VEPH1: variants seen among roughly 807,000 people sequenced by gnomAD.
VEPH1 encodes the protein ventricular zone-expressed PH domain-containing protein homolog 1.
VEPH1 carries 80 observed loss-of-function variants against 85.2 expected under a neutral mutation model. That is an observed-to-expected ratio of 0.94 (90% CI 0.78 to 1.13). The LOEUF (loss-of-function observed/expected upper bound fraction) is 1.13, where lower values mean the gene tolerates loss of function less well. Ranked by LOEUF, VEPH1 falls within the 50% of genes most tolerant of loss-of-function variation. The pLI is 0.00. For missense variants in VEPH1, 955 were observed against 980.5 expected (o/e 0.97, Z 0.35); for synonymous variants, 297 against 348.0 (o/e 0.85, Z 1.63).
At chr3:157,290,955 T>G (rs958026484) in intron 11 of VEPH1, among the ~76,000 whole-genome samples, 2 of 152,230 alleles carry the variant, frequency 1.3e-5, no homozygotes, top group Non-Finnish European at 2.9e-5. Flanking sequence ...TTTGTAAAAG[T>G]GCATAGTGGC....
At chr3:157,354,174 A>G (rs988431188) in intron 9 of VEPH1, among the ~76,000 whole-genome samples, 2 of 152,076 alleles carry the variant, frequency 1.3e-5, no homozygotes, top group Non-Finnish European at 2.9e-5. Context: ...AGTGGGGCAC[A>G]GGAGGTAAAT....
intron 5 of VEPH1, 126 bp downstream of exon 5, chr3:157,428,196 G>A (rs188937670): frequency 1.1e-4 from 101 of 957,774 alleles, no homozygotes; most frequent in East Asian, 9.2e-4. Context: ...GTAGATGAGC[G>A]CTTTCACTTA....
intron 1 of VEPH1, among the ~76,000 whole-genome samples, chr3:157,499,128 A>C (rs1739898567): frequency 1.3e-5 from 2 of 151,914 alleles, no homozygotes; most frequent in Non-Finnish European, 2.9e-5. Context: ...AAAATCTCAT[A>C]TTTTTTGTAT....
chr3:157,460,008 A>C, intron 4 of VEPH1, 173 bp downstream of exon 4: 2 of 1,546,482 alleles, frequency 1.3e-6, no homozygotes, highest in Non-Finnish European at 1.7e-6. Flanking sequence ...AGGGACACAG[A>C]CAGCCAGATT....
chr3:157,460,116 G>A (rs575890801), intron 4 of VEPH1, 65 bp downstream of exon 4: 1 of 1,613,604 alleles, frequency 6.2e-7, no homozygotes, highest in African/African-American at 1.3e-5. Context: ...AACCATAAAT[G>A]CTTGATGAAA....
At chr3:157,417,239 C>T (rs1177410095) in intron 5 of VEPH1, among the ~76,000 whole-genome samples, 2 of 152,110 alleles carry the variant, frequency 1.3e-5, no homozygotes, top group South Asian at 4.1e-4. Flanking sequence ...AGGGCATTTC[C>T]TTAGGCTGGT....
chr3:157,470,626 C>A, intron 2 of VEPH1, 97 bp from the exon 3 acceptor site: 1 of 1,188,172 alleles, frequency 8.4e-7, no homozygotes, highest in Non-Finnish European at 1.2e-6. Flanking sequence ...ATGGGTGCAC[C>A]AGGCTGTGTG....
rs1553786688 is a variant in VEPH1, at chr3:157,438,037, G to GCGCACGCACA, written c.530-9550_530-9549insTGTGCGTGCG. The GCGCACGCACA allele has an allele frequency of 7.8e-6, 4 of 516,104 alleles. No individual in the cohort carries two copies. The South Asian group carries it at 9.8e-5, about 13-fold the overall frequency. 32.0% of individuals were successfully genotyped at this position (516,104 alleles called of 1,614,324 possible). A position where few individuals can be genotyped will look rare whatever the true frequency, so the allele number is the denominator to read the frequency against. On this transcript the variant is annotated intron_variant, in intron 4 of 13. Coordinates refer to ENST00000362010, the MANE Select transcript of VEPH1 (RefSeq NM_001167912.2). The stretch of plus-strand genomic sequence containing the variant: ...TCATGGGAAGCGCGCGCGCGCGCGC[G>GCGCACGCACA]CACACACACACACACACACACACAC...
intron 7 of VEPH1, among the ~76,000 whole-genome samples, chr3:157,369,701 A>G (rs181904787): frequency 6.6e-6 from 1 of 152,344 alleles, no homozygotes; most frequent in Admixed American, 6.5e-5. Flanking sequence ...GTTTATCATA[A>G]ACATTCCCTT....
chr3:157,431,732 G>A (rs899474110), intron 4 of VEPH1, among the ~76,000 whole-genome samples: 9 of 151,586 alleles, frequency 5.9e-5, no homozygotes, highest in Non-Finnish European at 8.8e-5. Context: ...CCAACATTTG[G>A]TTGTGACAGA....
rs112162410 is a variant in VEPH1 at position 157,340,091 on chromosome 3, G to A, written c.1736-22890C>T. ...ACAGCTCCAGTCTACAGCTCCCAGC[G>A]TGAGCGACGCAGAAGACGGGTGATT... On this transcript the variant is annotated intron_variant, in intron 9 of 13. Transcript: ENST00000362010. Among the ~76,000 whole-genome samples, 9 of 152,314 alleles carry A rather than the reference G, an allele frequency of 5.9e-5. No individual in the cohort carries two copies. The Middle Eastern group carries it at 0.01, about 173-fold the overall frequency.
At chr3:157,361,899 T>G (rs888109904) in intron 9 of VEPH1, among the ~76,000 whole-genome samples, 1 of 152,254 alleles carries the variant, frequency 6.6e-6, no homozygotes, top group Non-Finnish European at 1.5e-5. Flanking sequence ...GAACAAAATA[T>G]CAAAATTGTA....
At position 157,363,377 on chromosome 3, in the gene VEPH1, C is replaced by T; in HGVS notation, c.1722G>A (p.Gln574=). 1 of 1,604,818 alleles carries T rather than the reference C, an allele frequency of 6.2e-7. No individual in the cohort carries two copies. The highest frequency in any genetic ancestry group is 8.5e-7 in the Non-Finnish European group (1 of 1,177,468). Residue 574 remains glutamine (Q), a synonymous_variant, in exon 9 of 14, where the codon CAG becomes CAA. Transcript: ENST00000362010. Reference sequence around the variant, plus strand: ...CACAACACTTACCTTCAATGGTACACTGATCAGGGACTGGAATCTTCTTTC... The same window carrying T: ...CACAACACTTACCTTCAATGGTACATTGATCAGGGACTGGAATCTTCTTTC... The part of the protein sequence containing the change: ...EIGKKIPVPD[Q]CTIEDTVRSC...
chr3:157,270,832 G>A (rs1271505586), intron 12 of VEPH1, among the ~76,000 whole-genome samples: 2 of 151,648 alleles, frequency 1.3e-5, no homozygotes, highest in African/African-American at 2.4e-5. Context: ...CTACTGCTCA[G>A]TGTAGGGTTT....
intron 13 of VEPH1, among the ~76,000 whole-genome samples, chr3:157,262,650 A>C (rs1017646252): frequency 6.6e-6 from 1 of 152,218 alleles, no homozygotes; most frequent in African/African-American, 2.4e-5. Context: ...TCCAATGGTT[A>C]CATTTAATGG....
intron 6 of VEPH1, among the ~76,000 whole-genome samples, chr3:157,384,531 GC>G (rs1357665286): frequency 6.6e-6 from 1 of 152,156 alleles, no homozygotes; most frequent in Non-Finnish European, 1.5e-5. Context: ...AAATTTGCAA[GC>G]CCCTTCTTTA....
In VEPH1 at chr3:157,286,644, C is replaced by T; in HGVS notation, c.2041G>A (p.Glu681Lys). ...CCAAACACGTCAAAGAACCTCACTT[C>T]TTCCAGATGGAGCTGTACCTGGTCC... is the stretch of plus-strand genomic sequence containing the variant. ...DLDQVQLHLE[E>K]VRFFDVFGFS... Residue 681 changes from glutamate (E) to lysine (K), a missense_variant, in exon 12 of 14, where the codon GAA becomes AAA. Glu to Lys is a moderately conservative substitution (Grantham distance 56). Transcript: ENST00000362010. 1 of 1,614,122 alleles carries T rather than the reference C, an allele frequency of 6.2e-7. No homozygotes were observed.
intron 11 of VEPH1, among the ~76,000 whole-genome samples, chr3:157,308,467 C>T (rs1471508111): frequency 2.0e-5 from 3 of 151,890 alleles, no homozygotes; most frequent in Non-Finnish European, 4.4e-5. Flanking sequence ...GGTTTCTGGA[C>T]TAGTCTGTTC....
intron 1 of VEPH1, among the ~76,000 whole-genome samples, chr3:157,501,043 T>A (rs1414237507): frequency 6.6e-6 from 1 of 152,212 alleles, no homozygotes; most frequent in Non-Finnish European, 1.5e-5. Flanking sequence ...GTACTATTAT[T>A]CCTATAGATG....
Sources: allele counts gnomAD v4.1 joint callset (sites outside exome capture counted in the v4.1 genomes callset), GRCh38; gene constraint gnomAD v4.1.1; transcripts MANE v1.5; gene names NCBI Gene and HGNC (gene_info 2026-07-23, HGNC 2026-07-21).